The following GAS7 variants were observed in gnomAD, a reference collection of about 807,000 sequenced individuals.
GAS7 encodes the protein growth arrest specific 7.
In GAS7, 28 loss-of-function variants were observed where a neutral mutation model predicts 71.1. That is an observed-to-expected ratio of 0.39 (90% CI 0.29 to 0.54). The LOEUF (loss-of-function observed/expected upper bound fraction) is 0.54, where lower values mean the gene tolerates loss of function less well. GAS7 is among the 20% of genes least tolerant of loss of function. The probability of loss-of-function intolerance (pLI) is 0.62; values close to 1 mark genes in which losing one functional copy is unlikely to be tolerated. For synonymous variants in GAS7, 258 were observed against 245.8 expected (o/e 1.05, Z -0.46); for missense variants, 436 against 627.8 (o/e 0.69, Z 3.27).
At chr17:10,096,159 C>T (rs2073639189) in intron 1 of GAS7, among the ~76,000 whole-genome samples, 1 of 152,182 alleles carries the variant, frequency 6.6e-6, no homozygotes, top group African/African-American at 2.4e-5. Flanking sequence ...GCCACTGACA[C>T]CTCAAATTCA....
chr17:10,077,379 A>G (rs1181646736), intron 1 of GAS7, among the ~76,000 whole-genome samples: 1 of 152,262 alleles, frequency 6.6e-6, no homozygotes, highest in South Asian at 2.1e-4. Flanking sequence ...ACATGTCAAC[A>G]TAATTTTGGA....
chr17:10,031,931 G>A (rs1248483916), intron 1 of GAS7, among the ~76,000 whole-genome samples: 3 of 152,030 alleles, frequency 2.0e-5, no homozygotes, highest in East Asian at 1.9e-4. Context: ...TCTGATAGAC[G>A]GGTTTGGAGC....
At chr17:9,933,972 C>T (rs1348438878) in intron 9 of GAS7, among the ~76,000 whole-genome samples, 194 bp downstream of exon 9, 4 of 152,198 alleles carry the variant, frequency 2.6e-5, no homozygotes, top group African/African-American at 7.2e-5. Context: ...TGTGTCTATA[C>T]AAAAATGCAC....
intron 1 of GAS7, among the ~76,000 whole-genome samples, chr17:10,176,770 G>A (rs990971743): frequency 3.3e-5 from 5 of 152,086 alleles, no homozygotes; most frequent in African/African-American, 9.7e-5. Context: ...CAATGGCCTT[G>A]TTCTCCAGGA....
chr17:10,147,144 AT>A (rs989540202), intron 1 of GAS7, among the ~76,000 whole-genome samples: 228 of 151,976 alleles, frequency 1.5e-3, no homozygotes, highest in Non-Finnish European at 2.6e-3. Flanking sequence ...ATGGTTTGCC[AT>A]TTTTTTTAAT....
chr17:10,036,226 C>CTT (rs934973199), intron 1 of GAS7, among the ~76,000 whole-genome samples: 1 of 146,574 alleles, frequency 6.8e-6, no homozygotes, highest in East Asian at 2.0e-4. Context: ...TGACCCACGT[C>CTT]TTTTTTTTTT....
intron 1 of GAS7, chr17:10,020,169 G>C (rs1455846632): frequency 9.1e-6 from 3 of 329,040 alleles, no homozygotes; most frequent in Admixed American, 4.6e-5. Flanking sequence ...AATGGAGCTA[G>C]ACTTTCTCCA....
At position 9,934,193 on chromosome 17, in the gene GAS7, T is replaced by G. The variant is rs766245256; in HGVS notation, c.858A>C (p.Ala286=). 1 of 1,613,092 alleles carries G rather than the reference T, an allele frequency of 6.2e-7. No individual in the cohort carries two copies. Among genetic ancestry groups the G allele is most frequent in the Non-Finnish European group, 8.5e-7 (1 of 1,179,224 alleles). ...AQVKKSLADE[A]EVHLKFSAKL... ...TGGCAGAGAACTTGAGGTGAACTTC[T>G]GCTTCGTCCGCCAGGCTCTTCTTCA... The change falls in exon 9 of 14, where the codon GCA becomes GCC. Residue 286 remains alanine (A), a synonymous_variant. Transcript: ENST00000432992.
chr17:9,995,639 C>T lies in GAS7; in HGVS notation c.305-13755G>A, dbSNP rs114640443. On this transcript the variant is annotated intron_variant, in intron 2 of 13. Transcript: ENST00000432992. ...TTTTCACCCATGGGGAAAATAACCT[C>T]CTTTGTGACTGATAACCCCTATCTA... Among the ~76,000 whole-genome samples, 1,203 of 152,188 alleles carry T rather than the reference C, an allele frequency of 7.9e-3. 15 individuals carry two copies. Among genetic ancestry groups the T allele is most frequent in the African/African-American group, 0.027 (1,129 of 41,514 alleles).
At chr17:9,924,135 G>A (rs916739963) in intron 11 of GAS7, among the ~76,000 whole-genome samples, 21 of 152,174 alleles carry the variant, frequency 1.4e-4, no homozygotes, top group African/African-American at 4.8e-4. Context: ...ATTCTTGTCT[G>A]CTGATTAAAA....
In GAS7 at chr17:9,964,781, C is replaced by T. The variant is rs912496654; in HGVS notation, c.471+4896G>A. Among the ~76,000 whole-genome samples, 9 of 152,186 alleles carry T rather than the reference C, an allele frequency of 5.9e-5. No homozygotes were observed. The South Asian group carries it at 6.2e-4, about 11-fold the overall frequency. On this transcript the variant is annotated intron_variant, in intron 4 of 13. Coordinates refer to ENST00000432992, the MANE Select transcript of GAS7 (RefSeq NM_201433.2). ...CACACCAGCCATAAAACTCCATCAA[C>T]GCAGGGCTATAGATATCACCTGTGT... is the stretch of plus-strand genomic sequence containing the variant.
At chr17:10,180,496 C>T (rs921777893) in intron 1 of GAS7, among the ~76,000 whole-genome samples, 2 of 152,140 alleles carry the variant, frequency 1.3e-5, no homozygotes, top group Non-Finnish European at 2.9e-5. Flanking sequence ...AAATCGAGAA[C>T]ACCCCCATCC....
intron 7 of GAS7, among the ~76,000 whole-genome samples, chr17:9,942,269 A>AT (rs915249792): frequency 1.3e-5 from 2 of 152,084 alleles, no homozygotes; most frequent in African/African-American, 4.8e-5. Context: ...AAAAAAAAAA[A>AT]GAAATATTTT....
intron 1 of GAS7, among the ~76,000 whole-genome samples, chr17:10,065,346 T>G (rs148064589): frequency 2.0e-5 from 3 of 152,328 alleles, no homozygotes; most frequent in African/African-American, 4.8e-5. Flanking sequence ...GCAACAGAAA[T>G]GTATTCTCTC....
rs966734417 is a variant in GAS7, at chr17:9,911,248, G to T, written c.*5980C>A. 1.3e-4 allele frequency: 31 copies of T among 233,338 alleles called. No homozygotes were observed. Among genetic ancestry groups the T allele is most frequent in the Middle Eastern group, 2.5e-3 (2 of 786 alleles). The allele number at this position is 233,338 out of a possible 1,614,324, so 14.5% of individuals were successfully genotyped here. ...TGACAGATGAGTGCACGGAGGTCCC[G>T]ACAGGGGATGTGACTTAACTTCAGG... On this transcript the variant is annotated 3_prime_UTR_variant, in exon 14 of 14. Transcript: ENST00000432992. The surrounding 1 kb of genome is among the most constrained non-coding windows in gnomAD (Gnocchi z 4.0).
chr17:9,987,242 C>T (rs570646049), intron 2 of GAS7, among the ~76,000 whole-genome samples: 7 of 152,154 alleles, frequency 4.6e-5, no homozygotes, highest in East Asian at 1.9e-4. Context: ...AGGAACAGTG[C>T]GGTCAGAGTG....
intron 1 of GAS7, among the ~76,000 whole-genome samples, chr17:10,143,650 G>A (rs949267617): frequency 6.6e-5 from 10 of 152,108 alleles, no homozygotes; most frequent in African/African-American, 2.4e-4. Context: ...AGGAAATTAG[G>A]ATACAGGATA....
At chr17:10,116,555 G>A (rs16959336) in intron 1 of GAS7, among the ~76,000 whole-genome samples, 4,101 of 152,192 alleles carry the variant, frequency 0.027, 207 homozygotes, top group African/African-American at 0.094. Flanking sequence ...AGCACCAGCC[G>A]CATCCTGCCA....
chr17:10,092,012 C>T (rs2073588241), intron 1 of GAS7, among the ~76,000 whole-genome samples: 1 of 151,894 alleles, frequency 6.6e-6, no homozygotes, highest in South Asian at 2.1e-4. Flanking sequence ...TCAGTGGACA[C>T]CCACCTTCCT....
Sources: allele counts gnomAD v4.1 joint callset (sites outside exome capture counted in the v4.1 genomes callset), GRCh38; gene constraint gnomAD v4.1.1; non-coding constraint Gnocchi (gnomAD v3.1); transcripts MANE v1.5; gene names NCBI Gene and HGNC (gene_info 2026-07-23, HGNC 2026-07-21).